Variants in SPDYE5 observed in about 807,000 individuals in gnomAD.
SPDYE5 encodes speedy/RINGO cell cycle regulator family member E5, also known as speedy protein E5.
Under a neutral mutation model 48.5 loss-of-function variants are expected in SPDYE5, and 15 were observed. The observed-to-expected ratio is 0.31, with a 90% CI of 0.21 to 0.48. SPDYE5 has a LOEUF of 0.48. SPDYE5 is among the 20% of genes least tolerant of loss of function. SPDYE5 has a pLI of 0.99. For missense variants in SPDYE5, 331 were observed against 549.1 expected, an observed-to-expected ratio of 0.60 and a Z score of 3.97; for synonymous variants, 116 against 200.7, an observed-to-expected ratio of 0.58 and a Z score of 3.57.
chr7:75,493,879 T>C lies in SPDYE5; in HGVS notation c.-169T>C, dbSNP rs1244924323. 4 of 1,447,098 alleles carry C rather than the reference T, an allele frequency of 2.8e-6. No homozygotes were observed. The highest frequency in any genetic ancestry group is 2.9e-5 in the African/African-American group (2 of 69,968). 89.6% of individuals were successfully genotyped at this position (1,447,098 alleles called of 1,614,324 possible). A position where few individuals can be genotyped will look rare whatever the true frequency, so the allele number is the denominator to read the frequency against. On this transcript the variant is annotated 5_prime_UTR_variant, in exon 2 of 9. The change abolishes an upstream ATG in the 5' untranslated region. Transcript: ENST00000625065. ...CTGGTTGCCAGGTTGGCATGAGCGA[T>C]GACATCAGAGATTCCGACCATCCTG...
At chr7:75,499,692 AG>A (rs1174339776) in intron 6 of SPDYE5, among the ~76,000 whole-genome samples, 5 of 142,680 alleles carry the variant, frequency 3.5e-5, no homozygotes, top group African/African-American at 1.3e-4. Flanking sequence ...CTTTGAACCC[AG>A]GAGGTGGAGG....
chr7:75,499,670 G>T (rs1793069380), intron 6 of SPDYE5, among the ~76,000 whole-genome samples: 1 of 149,008 alleles, frequency 6.7e-6, no homozygotes, highest in Admixed American at 6.8e-5. Context: ...GAGAGGCTGA[G>T]GCAAGAGAAC....
chr7:75,503,784 T>C lies in SPDYE5; in HGVS notation c.*997T>C, dbSNP rs587740851. 10 of 149,626 alleles carry C rather than the reference T, an allele frequency of 6.7e-5. No individual in the cohort carries two copies. The highest frequency in any genetic ancestry group is 4.2e-4 in the South Asian group (2 of 4,808). The allele number at this position is 149,626 out of a possible 1,614,324, so 9.3% of individuals were successfully genotyped here. A position where few individuals can be genotyped will look rare whatever the true frequency, so the allele number is the denominator to read the frequency against. The stretch of plus-strand genomic sequence containing the variant: ...AATTATTTAAATATTATTTTATTTA[T>C]TGAAATATTTATTAAATATATTTAT... On this transcript the variant is annotated 3_prime_UTR_variant, in exon 9 of 9. Transcript: ENST00000625065.
At chr7:75,496,404 C>CAAA (rs1175143877) in intron 3 of SPDYE5, among the ~76,000 whole-genome samples, 16 of 27,452 alleles carry the variant, frequency 5.8e-4, no homozygotes, top group African/African-American at 8.5e-4. Flanking sequence ...ACAACAACAA[C>CAAA]AAAAAAAAAA....
At position 75,503,023 on chromosome 7, in the gene SPDYE5, C is replaced by A. The variant is rs1554483832; in HGVS notation, c.*236C>A. 1.0e-5 allele frequency: 5 copies of A among 487,034 alleles called. No homozygotes were observed. The highest frequency in any genetic ancestry group is 2.1e-5 in the Non-Finnish European group (5 of 243,578). The allele number at this position is 487,034 out of a possible 1,614,324, so 30.2% of individuals were successfully genotyped here. On this transcript the variant is annotated 3_prime_UTR_variant, in exon 9 of 9. Coordinates refer to ENST00000625065, the MANE Select transcript of SPDYE5 (RefSeq NM_001306141.4). ...AGGGGTGGGGGGAGGGGGGTGGGGTCCTTCTAGGAGTCCTTGGAGAAAAGT... is the reference window on the plus strand; with the variant it reads ...AGGGGTGGGGGGAGGGGGGTGGGGTACTTCTAGGAGTCCTTGGAGAAAAGT...
rs117596147 is a variant in SPDYE5, at chr7:75,503,848, T to C, written c.*1061T>C. The C allele has an allele frequency of 6.6e-6, 1 of 150,910 alleles. No homozygotes were observed. Among genetic ancestry groups the C allele is most frequent in the African/African-American group, 2.4e-5 (1 of 41,162 alleles). The allele number at this position is 150,910 out of a possible 1,614,324, so 9.3% of individuals were successfully genotyped here. A position where few individuals can be genotyped will look rare whatever the true frequency, so the allele number is the denominator to read the frequency against. ...CTTGAAATATTATTTTAAATATTTT[T>C]GAAATACTGCTATTTTTGAATAGAT... is the stretch of plus-strand genomic sequence containing the variant. On this transcript the variant is annotated 3_prime_UTR_variant, in exon 9 of 9. Transcript: ENST00000625065.
intron 2 of SPDYE5, among the ~76,000 whole-genome samples, 169 bp downstream of exon 2, chr7:75,494,376 T>A (rs1792846901): frequency 6.6e-6 from 1 of 151,192 alleles, no homozygotes. Flanking sequence ...TGAAACCCTA[T>A]CTCTACTAAA....
chr7:75,495,428 A>C (rs1455243073), intron 3 of SPDYE5, 54 bp downstream of exon 3: 1 of 1,586,682 alleles, frequency 6.3e-7, no homozygotes, highest in Non-Finnish European at 8.5e-7. Flanking sequence ...AAAAAGAGGA[A>C]ACTTCCAATA....
In SPDYE5 at chr7:75,501,538, A is replaced by G. The variant is rs371406592; in HGVS notation, c.932A>G (p.Lys311Arg). Residue 311 changes from lysine (K) to arginine (R), a missense_variant, in exon 7 of 9, where the codon AAG becomes AGG. Physicochemically the swap from Lys to Arg is conservative, Grantham distance 26. This residue lies in a region of SPDYE5 where 70 missense variants were observed against 87.6 expected (regional missense o/e 0.80). Transcript: ENST00000625065. ...CGCTCTCGCATACCCTTGCTCCGTA[A>G]GCGTCGGTTCCAGTTAGGCCGTTCC... The part of the protein sequence containing the change: ...KKRSRIPLLR[K>R]RRFQLGRSMN... 284 of 1,513,386 alleles carry G rather than the reference A, an allele frequency of 1.9e-4. 11 individuals are homozygous for G. The East Asian group carries it at 6.4e-3, about 34-fold the overall frequency. The allele number at this position is 1,513,386 out of a possible 1,614,324, so 93.7% of individuals were successfully genotyped here. A position where few individuals can be genotyped will look rare whatever the true frequency, so the allele number is the denominator to read the frequency against.
chr7:75,501,806 G>A (rs1436452544), intron 7 of SPDYE5, 51 bp downstream of exon 7: 35 of 1,612,228 alleles, frequency 2.2e-5, no homozygotes, highest in Non-Finnish European at 2.8e-5. Context: ...CGGGTGGGCT[G>A]GAGGCTGGAT....
At position 75,500,998 on chromosome 7, in the gene SPDYE5, G is replaced by A. The variant is rs180802438; in HGVS notation, c.756-364G>A. On this transcript the variant is annotated intron_variant, in intron 6 of 8. Coordinates refer to ENST00000625065, the MANE Select transcript of SPDYE5 (RefSeq NM_001306141.4). ...GCTGGGATTACAGGCATGAGCCACC[G>A]CGTCTGGCATATTTCTTATATTTTT... 4.6e-3 allele frequency among the ~76,000 whole-genome samples: 695 copies of A among 152,214 alleles called. 7 individuals are homozygous for A. Among genetic ancestry groups the A allele is most frequent in the African/African-American group, 0.016 (657 of 41,516 alleles).
At chr7:75,499,521 C>G (rs1366366242) in intron 6 of SPDYE5, among the ~76,000 whole-genome samples, 1 of 151,982 alleles carries the variant, frequency 6.6e-6, no homozygotes, top group South Asian at 2.1e-4. Flanking sequence ...AATCCCAGCA[C>G]TTTGGGAGGC....
intron 8 of SPDYE5, among the ~76,000 whole-genome samples, chr7:75,502,333 C>T (rs587606025): frequency 2.0e-5 from 3 of 150,774 alleles, no homozygotes; most frequent in Admixed American, 6.6e-5. Context: ...CGATTTGGGT[C>T]GAGGGTTCAG....
chr7:75,495,192 T>A lies in SPDYE5; in HGVS notation c.197T>A (p.Leu66His), dbSNP rs1792879363. The A allele has an allele frequency of 6.3e-7, 1 of 1,597,320 alleles. No homozygotes were observed. The highest frequency in any genetic ancestry group is 1.3e-5 in the African/African-American group (1 of 74,856). The change falls in exon 3 of 9, where the codon CTT becomes CAT. Residue 66 changes from leucine (L) to histidine (H), a missense_variant. Coordinates refer to ENST00000625065, the MANE Select transcript of SPDYE5 (RefSeq NM_001306141.4). ...GVDPSPPCRS[L>H]GWKRKREWSD... The stretch of plus-strand genomic sequence containing the variant: ...GATCCCAGCCCCCCATGTAGGTCCC[T>A]TGGCTGGAAAAGGAAGAGGGAGTGG...
rs1405583890 is a variant in SPDYE5 at position 75,503,132 on chromosome 7, G to C, written c.*345G>C. On this transcript the variant is annotated 3_prime_UTR_variant, in exon 9 of 9. Coordinates refer to ENST00000625065, the MANE Select transcript of SPDYE5 (RefSeq NM_001306141.4). ...ATTGCTGAATTCCAACCTCCCTGGG[G>C]CGGAACCTGGAGGTCCTGTTTCTTA... 2.9e-4 allele frequency: 135 copies of C among 460,574 alleles called. No individual in the cohort carries two copies. The highest frequency in any genetic ancestry group is 3.8e-4 in the Non-Finnish European group (89 of 235,466). 28.5% of individuals were successfully genotyped at this position (460,574 alleles called of 1,614,324 possible). A position where few individuals can be genotyped will look rare whatever the true frequency, so the allele number is the denominator to read the frequency against.
chr7:75,494,288 G>A (rs1792842755), intron 2 of SPDYE5, 81 bp downstream of exon 2: 1 of 1,509,612 alleles, frequency 6.6e-7, no homozygotes, highest in Non-Finnish European at 8.8e-7. Context: ...GCTCACGCCT[G>A]TAACCCCAGC....
Position 75,498,131 on chromosome 7 carries a change from T to G in SPDYE5, c.669+135T>G, listed in dbSNP as rs1793005599. 8 of 881,000 alleles carry G rather than the reference T, an allele frequency of 9.1e-6. No homozygotes were observed. The South Asian group carries it at 1.3e-4, about 15-fold the overall frequency. 54.6% of individuals were successfully genotyped at this position (881,000 alleles called of 1,614,324 possible). On this transcript the variant is annotated intron_variant, in intron 5 of 8. Transcript: ENST00000625065. Reference sequence around the variant, plus strand: ...CAGTCTTTTTTTTTTTTTTTTTTTTTTTTTTTTTTGTGAGACAGAATCTTG... The same window carrying G: ...CAGTCTTTTTTTTTTTTTTTTTTTTGTTTTTTTTTGTGAGACAGAATCTTG...
intron 4 of SPDYE5, among the ~76,000 whole-genome samples, chr7:75,497,610 G>A (rs1554482773): frequency 6.8e-6 from 1 of 146,386 alleles, no homozygotes; most frequent in Non-Finnish European, 1.5e-5. Flanking sequence ...ACCCTGATGT[G>A]ACTGTCTCAT....
chr7:75,504,219 G>A lies in SPDYE5; in HGVS notation c.*1432G>A, dbSNP rs1793247318. The stretch of plus-strand genomic sequence containing the variant: ...CTTTAAAGAGGATGTGTGTTCTAAA[G>A]GAGGACATGAGCTGTGTGTTTTCAA... On this transcript the variant is annotated 3_prime_UTR_variant, in exon 9 of 9. Transcript: ENST00000625065. 6.6e-6 allele frequency: 1 copy of A among 151,986 alleles called. No homozygotes were observed. Among genetic ancestry groups the A allele is most frequent in the Non-Finnish European group, 1.5e-5 (1 of 68,004 alleles). The allele number at this position is 151,986 out of a possible 1,614,324, so 9.4% of individuals were successfully genotyped here. A position where few individuals can be genotyped will look rare whatever the true frequency, so the allele number is the denominator to read the frequency against.
Sources: gnomAD v4.1 joint callset for allele counts (sites outside exome capture counted in the v4.1 genomes callset) on GRCh38, gnomAD v4.1.1 for gene constraint, gnomAD v4.1.1 regional missense constraint, MANE v1.5 for transcripts, NCBI Gene and HGNC (gene_info 2026-07-23, HGNC 2026-07-21) for gene names.